SHANK2: variants seen among roughly 807,000 people sequenced by gnomAD.
SHANK2 encodes the protein SH3 and multiple ankyrin repeat domains protein 2.
Under a neutral mutation model 133.7 loss-of-function variants are expected in SHANK2, and 43 were observed. The ratio of observed to expected loss-of-function variants is 0.32; its 90% CI spans 0.25 to 0.41. The LOEUF is 0.41. SHANK2 is among the 10% of genes least tolerant of loss of function. The probability of loss-of-function intolerance (pLI) is 1.00; values close to 1 mark genes in which losing one functional copy is unlikely to be tolerated. For synonymous variants in SHANK2, 1,017 were observed against 952.8 expected (o/e 1.07, Z -1.24); for missense variants, 1,994 against 2,235.8 (o/e 0.89, Z 2.18).
chr11:71,207,240 C>T (rs1336545570), intron 2 of SHANK2, among the ~76,000 whole-genome samples: 1 of 138,110 alleles, frequency 7.2e-6, no homozygotes, highest in Non-Finnish European at 1.5e-5. Context: ...AGTGCAATGG[C>T]GCAATCTCGG....
intron 10 of SHANK2, among the ~76,000 whole-genome samples, chr11:70,918,705 A>G (rs1262301612): frequency 2.0e-5 from 3 of 152,048 alleles, no homozygotes; most frequent in African/African-American, 7.2e-5. Context: ...GGGATTTCAC[A>G]ATGTTGGCCA....
chr11:70,758,389 C>T (rs892318482), intron 14 of SHANK2, among the ~76,000 whole-genome samples: 9 of 152,246 alleles, frequency 5.9e-5, no homozygotes, highest in East Asian at 5.8e-4. Flanking sequence ...TTGACTTCCA[C>T]CCCTCCGGAT....
intron 17 of SHANK2, among the ~76,000 whole-genome samples, chr11:70,608,324 T>C (rs1554993147): frequency 2.0e-5 from 3 of 152,182 alleles, no homozygotes; most frequent in Non-Finnish European, 4.4e-5. Flanking sequence ...TTTCAGCTAC[T>C]GACTGGGCTA....
At chr11:71,194,253 C>T in intron 2 of SHANK2, among the ~76,000 whole-genome samples, 1 of 152,136 alleles carries the variant, frequency 6.6e-6, no homozygotes, top group East Asian at 1.9e-4. Flanking sequence ...CTGATGGGAC[C>T]ACAGTTACTC....
At chr11:70,642,145 C>A (rs1211869442) in intron 17 of SHANK2, among the ~76,000 whole-genome samples, 1 of 152,224 alleles carries the variant, frequency 6.6e-6, no homozygotes, top group Non-Finnish European at 1.5e-5. Flanking sequence ...GAAGCCTTTG[C>A]CCGCAGGGTC....
chr11:70,735,152 G>T (rs1050059954), intron 14 of SHANK2, among the ~76,000 whole-genome samples: 2 of 152,176 alleles, frequency 1.3e-5, no homozygotes, highest in Non-Finnish European at 2.9e-5. Context: ...ATCTGTCAGG[G>T]AACCCACTGC....
intron 17 of SHANK2, among the ~76,000 whole-genome samples, chr11:70,562,865 T>A (rs1305798261): frequency 6.6e-6 from 1 of 152,152 alleles, no homozygotes; most frequent in East Asian, 1.9e-4. Flanking sequence ...TCTTTTGGGT[T>A]GATAATTTGT....
At chr11:70,756,900 G>A (rs1416614990) in intron 14 of SHANK2, among the ~76,000 whole-genome samples, 3 of 144,588 alleles carry the variant, frequency 2.1e-5, no homozygotes, top group Admixed American at 7.0e-5. Context: ...CGGATACATA[G>A]AGCAGACCCT....
intron 11 of SHANK2, among the ~76,000 whole-genome samples, chr11:70,891,705 C>A (rs1555074752): frequency 6.6e-6 from 1 of 152,018 alleles, no homozygotes; most frequent in East Asian, 1.9e-4. Flanking sequence ...GTGTCCTCCT[C>A]CCTCCCTCTC....
intron 9 of SHANK2, among the ~76,000 whole-genome samples, chr11:71,074,608 C>G (rs999827175): frequency 6.6e-6 from 1 of 152,160 alleles, no homozygotes; most frequent in African/African-American, 2.4e-5. Context: ...CTGATAAGAA[C>G]AGACAATGCG....
intron 17 of SHANK2, among the ~76,000 whole-genome samples, chr11:70,657,199 A>T (rs1555011836): frequency 6.6e-6 from 1 of 152,152 alleles, no homozygotes; most frequent in African/African-American, 2.4e-5. Flanking sequence ...AGGAAGACAG[A>T]ATGCCTGCAT....
intron 14 of SHANK2, among the ~76,000 whole-genome samples, chr11:70,759,849 A>G (rs1555039784): frequency 6.6e-6 from 1 of 152,222 alleles, no homozygotes; most frequent in Non-Finnish European, 1.5e-5. Context: ...AGCAGCCATA[A>G]CTATAACTGT....
chr11:70,525,621 C>T (rs1303076830), intron 17 of SHANK2, among the ~76,000 whole-genome samples: 2 of 152,120 alleles, frequency 1.3e-5, no homozygotes, highest in Non-Finnish European at 2.9e-5. Context: ...CAGGAGCGAA[C>T]AGGGTCCTGG....
intron 2 of SHANK2, among the ~76,000 whole-genome samples, chr11:71,200,737 C>T (rs1555116950): frequency 6.6e-6 from 1 of 151,916 alleles, no homozygotes; most frequent in African/African-American, 2.4e-5. Flanking sequence ...GTCTTCAAGC[C>T]TTTATCTGCA....
intron 14 of SHANK2, among the ~76,000 whole-genome samples, chr11:70,730,826 CT>C (rs34081906): frequency 0.014 from 1,790 of 127,392 alleles, 19 homozygotes; most frequent in East Asian, 0.047. Context: ...TTTTTTATTT[CT>C]TTTTTTTTTT....
At chr11:71,077,408 C>T (rs1404302170) in intron 8 of SHANK2, among the ~76,000 whole-genome samples, 1 of 152,174 alleles carries the variant, frequency 6.6e-6, no homozygotes, top group East Asian at 1.9e-4. Context: ...GCAAAATAGG[C>T]TCAATGGGAA....
chr11:71,186,522 C>T (rs950992002), intron 2 of SHANK2, among the ~76,000 whole-genome samples: 3 of 152,206 alleles, frequency 2.0e-5, no homozygotes, highest in Non-Finnish European at 2.9e-5. Flanking sequence ...TCCAGGGCAC[C>T]GTGTGCCCAC....
chr11:70,819,298 C>T (rs1166828355), intron 12 of SHANK2, among the ~76,000 whole-genome samples: 1 of 152,350 alleles, frequency 6.6e-6, no homozygotes, highest in South Asian at 2.1e-4. Context: ...CTCATAGAGG[C>T]GTCTGCAGCA....
chr11:70,672,103 G>A (rs1371869596), intron 15 of SHANK2, among the ~76,000 whole-genome samples: 6 of 129,900 alleles, frequency 4.6e-5, no homozygotes, highest in South Asian at 2.4e-4. Flanking sequence ...TTGTTCTATC[G>A]CCCAGGCTGG....
Sources: allele counts gnomAD v4.1 joint callset (sites outside exome capture counted in the v4.1 genomes callset), GRCh38; gene constraint gnomAD v4.1.1; transcripts MANE v1.5; gene names NCBI Gene and HGNC (gene_info 2026-07-23, HGNC 2026-07-21).